The following NAALADL2 variants were observed in gnomAD, a reference collection of about 807,000 sequenced individuals.
NAALADL2 encodes the protein N-acetylated alpha-linked acidic dipeptidase like 2.
Under a neutral mutation model 87.2 loss-of-function variants are expected in NAALADL2, and 76 were observed. The observed-to-expected ratio is 0.87, with a 90% CI of 0.72 to 1.05. The LOEUF (loss-of-function observed/expected upper bound fraction) is 1.05, where lower values mean the gene tolerates loss of function less well. NAALADL2 is among the 50% of genes least tolerant of loss of function. The pLI, the probability that NAALADL2 is intolerant of heterozygous loss-of-function variation, is 0.00. For missense variants in NAALADL2, 1,089 were observed against 945.8 expected (o/e 1.15, Z -1.99); for synonymous variants, 354 against 331.0 (o/e 1.07, Z -0.75).
At position 174,819,058 on chromosome 3, in the gene NAALADL2, C is replaced by CTTTTTTTTTTTT. The variant is rs3040106; in HGVS notation, c.-9+81329_-9+81340dup. On this transcript the variant is annotated intron_variant, in intron 3 of 3. Coordinates refer to the NAALADL2 transcript ENST00000434257. ...GAATTTCTTTATTATACCATTTATT[C>CTTTTTTTTTTTT]TTTTTTTTTTTTTTTTTTTTTTTTT... is the stretch of plus-strand genomic sequence containing the variant. Among the ~76,000 whole-genome samples, 19 of 47,542 alleles carry CTTTTTTTTTTTT rather than the reference C, an allele frequency of 4.0e-4. 3 individuals are homozygous for CTTTTTTTTTTTT. The highest frequency in any genetic ancestry group is 8.9e-4 in the African/African-American group (11 of 12,348). 31.2% of individuals were successfully genotyped at this position (47,542 alleles called of 152,430 possible). A position where few individuals can be genotyped will look rare whatever the true frequency, so the allele number is the denominator to read the frequency against.
chr3:175,003,833 T>G (rs940939924), intron 1 of NAALADL2, among the ~76,000 whole-genome samples: 1 of 152,188 alleles, frequency 6.6e-6, no homozygotes, highest in Non-Finnish European at 1.5e-5. Flanking sequence ...AAATGTGTAA[T>G]GGGCTTGCTG....
chr3:175,718,208 T>TG, intron 11 of NAALADL2: 5 of 703,374 alleles, frequency 7.1e-6, no homozygotes. Flanking sequence ...TTTTTTTTTT[T>TG]TTTTTTTTTT....
At chr3:175,089,507 A>T (rs919195526) in intron 1 of NAALADL2, among the ~76,000 whole-genome samples, 1 of 152,196 alleles carries the variant, frequency 6.6e-6, no homozygotes, top group Non-Finnish European at 1.5e-5. Flanking sequence ...ATAGCACTTA[A>T]CATAGGATTG....
At chr3:174,969,488 A>G (rs1162087237) in intron 1 of NAALADL2, among the ~76,000 whole-genome samples, 1 of 152,206 alleles carries the variant, frequency 6.6e-6, no homozygotes, top group Non-Finnish European at 1.5e-5. Context: ...TCAATAAATA[A>G]TTTTGTGAAT....
intron 11 of NAALADL2, among the ~76,000 whole-genome samples, chr3:175,706,032 C>G (rs961669738): frequency 3.3e-5 from 5 of 151,996 alleles, no homozygotes; most frequent in Non-Finnish European, 7.4e-5. Flanking sequence ...CAAATTTGGA[C>G]TCCAAACAGA....
chr3:175,599,012 T>A (rs1280532577), intron 10 of NAALADL2, among the ~76,000 whole-genome samples: 2 of 152,122 alleles, frequency 1.3e-5, no homozygotes, highest in Non-Finnish European at 2.9e-5. Flanking sequence ...GTGAAGGCCT[T>A]GAGTGCAGGT....
intron 11 of NAALADL2, among the ~76,000 whole-genome samples, chr3:175,654,541 T>C (rs1731193471): frequency 6.6e-6 from 1 of 152,226 alleles, no homozygotes; most frequent in Non-Finnish European, 1.5e-5. Context: ...AGTCTATAGG[T>C]ATGCCTTTCT....
intron 11 of NAALADL2, among the ~76,000 whole-genome samples, chr3:175,638,495 T>G (rs1430351848): frequency 6.6e-6 from 1 of 152,192 alleles, no homozygotes; most frequent in Non-Finnish European, 1.5e-5. Flanking sequence ...ATCAACCTGT[T>G]TGACTCCAAG....
chr3:175,392,944 C>A (rs1024243513), intron 5 of NAALADL2, among the ~76,000 whole-genome samples: 5 of 152,060 alleles, frequency 3.3e-5, no homozygotes, highest in Admixed American at 2.0e-4. Flanking sequence ...ATCTTTTGAA[C>A]TAAGGAACTG....
chr3:174,801,694 A>G (rs1409889265), intron 3 of NAALADL2, among the ~76,000 whole-genome samples: 4 of 152,056 alleles, frequency 2.6e-5, no homozygotes, highest in Non-Finnish European at 5.9e-5. Context: ...GAGCGTTTTT[A>G]TCATGAAAGG....
At chr3:175,796,685 T>TC (rs1186867671) in intron 13 of NAALADL2, among the ~76,000 whole-genome samples, 4 of 152,332 alleles carry the variant, frequency 2.6e-5, no homozygotes, top group African/African-American at 9.6e-5. Context: ...GCTGAACTTT[T>TC]CTCTCTGCAT....
At chr3:174,691,981 T>A (rs1728622844) in intron 2 of NAALADL2, 1 of 152,220 alleles carries the variant, frequency 6.6e-6, no homozygotes, top group Admixed American at 6.5e-5. Flanking sequence ...AGTTACTTCT[T>A]CCTCTGAAGT....
chr3:175,737,431 C>A, intron 12 of NAALADL2, 32 bp downstream of exon 12: 3 of 1,318,962 alleles, frequency 2.3e-6, no homozygotes, highest in Non-Finnish European at 3.3e-6. Flanking sequence ...GTAATTTTAC[C>A]AATGAAAAAT....
chr3:174,748,080 A>G (rs1734449758), intron 3 of NAALADL2, among the ~76,000 whole-genome samples: 1 of 152,024 alleles, frequency 6.6e-6, no homozygotes, highest in Admixed American at 6.6e-5. Context: ...CAAACACCAC[A>G]TGTTCTCACT....
At chr3:175,428,952 T>G (rs1006182724) in intron 5 of NAALADL2, among the ~76,000 whole-genome samples, 1 of 152,064 alleles carries the variant, frequency 6.6e-6, no homozygotes, top group South Asian at 2.1e-4. Context: ...CAGTTTTGAT[T>G]GCTTGTGGTT....
intron 2 of NAALADL2, among the ~76,000 whole-genome samples, chr3:175,221,198 T>TA (rs368539591): frequency 0.62 from 84,742 of 135,728 alleles, 27,181 homozygotes; most frequent in Non-Finnish European, 0.73. Flanking sequence ...GACTCCGTTT[T>TA]AAAAAAAAAA....
chr3:175,284,868 C>A (rs2110103457), intron 4 of NAALADL2, among the ~76,000 whole-genome samples: 1 of 152,138 alleles, frequency 6.6e-6, no homozygotes, highest in South Asian at 2.1e-4. Flanking sequence ...GCTGAAGATG[C>A]AGCATCTTCA....
intron 5 of NAALADL2, among the ~76,000 whole-genome samples, chr3:175,438,331 TG>T: frequency 6.6e-6 from 1 of 152,242 alleles, no homozygotes; most frequent in East Asian, 1.9e-4. Flanking sequence ...GACAACAAAA[TG>T]ACTAACCAAT....
chr3:175,786,296 T>C (rs1751952798), intron 13 of NAALADL2, among the ~76,000 whole-genome samples: 1 of 152,162 alleles, frequency 6.6e-6, no homozygotes, highest in South Asian at 2.1e-4. Context: ...TGCAAAGTGT[T>C]TTCCAACTTG....
Sources: allele counts gnomAD v4.1 joint callset (sites outside exome capture counted in the v4.1 genomes callset), GRCh38; gene constraint gnomAD v4.1.1; transcripts MANE v1.5; gene names NCBI Gene and HGNC (gene_info 2026-07-23, HGNC 2026-07-21).